The following RNF212 variants were observed in gnomAD, a reference collection of about 807,000 sequenced individuals.
The protein encoded by RNF212 is probable E3 SUMO-protein ligase RNF212.
Under a neutral mutation model 34.7 loss-of-function variants are expected in RNF212, and 33 were observed. That is an observed-to-expected ratio of 0.95 (90% confidence interval 0.72 to 1.27). The LOEUF (loss-of-function observed/expected upper bound fraction) is 1.27, where lower values mean the gene tolerates loss of function less well. Among genes scored for constraint, RNF212 ranks in the 50% most tolerant of loss-of-function variants. RNF212 has a pLI of 0.00. For missense variants in RNF212, 377 were observed against 362.2 expected, an observed-to-expected ratio of 1.04 and a Z score of -0.33; for synonymous variants, 140 against 136.1, an observed-to-expected ratio of 1.03 and a Z score of -0.20.
At chr4:1,060,971 C>G (rs957198395) in intron 3 of RNF212, among the ~76,000 whole-genome samples, 2 of 152,206 alleles carry the variant, frequency 1.3e-5, no homozygotes, top group African/African-American at 4.8e-5. Context: ...GTTATCTCTA[C>G]GAAGCCAAGT....
At chr4:1,070,219 T>C (rs1237310187), downstream of RNF212, among the ~76,000 whole-genome samples, 27 of 145,258 alleles carry the variant, frequency 1.9e-4, no homozygotes, top group Non-Finnish European at 3.9e-4. Flanking sequence ...TGTGTCAGCG[T>C]GGGTGCCTGG....
Position 1,072,731 on chromosome 4 carries a change from A to G in RNF212, c.*143T>C. The G allele has an allele frequency of 2.1e-6, 3 of 1,419,646 alleles. No homozygotes were observed. Among genetic ancestry groups the G allele is most frequent in the Non-Finnish European group, 2.8e-6 (3 of 1,089,790 alleles). 87.9% of individuals were successfully genotyped at this position (1,419,646 alleles called of 1,614,324 possible). On this transcript the variant is annotated 3_prime_UTR_variant, in exon 10 of 10. Transcript: ENST00000433731. Reference sequence around the variant, plus strand: ...TCAAAGGTCAAATATAAAATTACAAAGCAAATTGGGTAAAAGGTTAATATC... The same window carrying G: ...TCAAAGGTCAAATATAAAATTACAAGGCAAATTGGGTAAAAGGTTAATATC...
At chr4:1,112,380 G>A (rs1395818764) in intron 1 of RNF212, among the ~76,000 whole-genome samples, 2 of 152,114 alleles carry the variant, frequency 1.3e-5, no homozygotes, top group African/African-American at 4.8e-5. Flanking sequence ...GGAGGGCTGT[G>A]AGCCACCGGC....
intron 3 of RNF212, chr4:1,093,775 C>G: frequency 6.5e-7 from 1 of 1,536,288 alleles, no homozygotes; most frequent in South Asian, 1.2e-5. Context: ...GAATGAGGGT[C>G]CTGCTGGGAT....
chr4:1,112,745 T>C (rs1725907264), intron 1 of RNF212, among the ~76,000 whole-genome samples: 1 of 70,518 alleles, frequency 1.4e-5, no homozygotes, highest in African/African-American at 5.7e-5. Context: ...GGCCCCTTCC[T>C]GCCTGCGGAC....
At chr4:1,080,718 C>T (rs1720201061) in intron 7 of RNF212, among the ~76,000 whole-genome samples, 1 of 152,236 alleles carries the variant, frequency 6.6e-6, no homozygotes. Context: ...CTGCCTCTTG[C>T]TACCTGTGGA....
At chr4:1,065,113 A>G (rs1718007055) in intron 3 of RNF212, among the ~76,000 whole-genome samples, 1 of 152,220 alleles carries the variant, frequency 6.6e-6, no homozygotes, top group Non-Finnish European at 1.5e-5. Context: ...GTATACAAGC[A>G]TCTCTTAGAG....
chr4:1,089,041 T>C (rs688008), intron 4 of RNF212, among the ~76,000 whole-genome samples: 123,753 of 152,258 alleles, frequency 0.81, 51,039 homozygotes, highest in African/African-American at 0.95. Flanking sequence ...TCCCACACAG[T>C]GTCCCAACTG....
At chr4:1,062,980 T>A (rs1000689070) in intron 3 of RNF212, among the ~76,000 whole-genome samples, 1 of 152,184 alleles carries the variant, frequency 6.6e-6, no homozygotes, top group African/African-American at 2.4e-5. Flanking sequence ...ACAAAATACT[T>A]AGGAATAAAT....
At chr4:1,058,039 C>A (rs921990466) in intron 4 of RNF212, among the ~76,000 whole-genome samples, 1 of 143,322 alleles carries the variant, frequency 7.0e-6, no homozygotes, top group African/African-American at 2.7e-5. Flanking sequence ...CCAGCCTGGG[C>A]AACAAAGAGT....
intron 3 of RNF212, among the ~76,000 whole-genome samples, chr4:1,092,368 G>GT (rs1722322785): frequency 6.6e-6 from 1 of 152,222 alleles, no homozygotes; most frequent in South Asian, 2.1e-4. Context: ...TCTACTGAGG[G>GT]TGGAGCTGGG....
intron 2 of RNF212, among the ~76,000 whole-genome samples, chr4:1,102,500 T>C (rs979677585): frequency 1.3e-5 from 2 of 151,926 alleles, no homozygotes; most frequent in African/African-American, 4.8e-5. Context: ...GAGTCCACAG[T>C]ACTAATAAAA....
At chr4:1,103,784 G>C (rs1724395187) in intron 2 of RNF212, among the ~76,000 whole-genome samples, 1 of 152,204 alleles carries the variant, frequency 6.6e-6, no homozygotes, top group Non-Finnish European at 1.5e-5. Context: ...TATAATACTT[G>C]ATGAAATACT....
intron 8 of RNF212, among the ~76,000 whole-genome samples, chr4:1,075,396 C>G (rs1434124561): frequency 6.6e-6 from 1 of 152,174 alleles, no homozygotes; most frequent in Non-Finnish European, 1.5e-5. Flanking sequence ...TCTGGGGAGG[C>G]CTTGGGAGGC....
chr4:1,079,004 CCAACACAGGGT>C (rs1220361572), intron 8 of RNF212, among the ~76,000 whole-genome samples: 8 of 103,376 alleles, frequency 7.7e-5, no homozygotes, highest in East Asian at 4.0e-4. Flanking sequence ...CAACATAGGA[CCAACACAGGGT>C]CAACACAGGA....
In RNF212 at chr4:1,096,760, C is replaced by T. The variant is rs760315903; in HGVS notation, c.246+5G>A. On this transcript the variant is annotated splice_donor_5th_base_variant and intron_variant, in intron 3 of 9. Transcript: ENST00000433731. ...CGGAACCAAGCCACACCCCTCACAG[C>T]TCACCTGGGAGGTTTCCCTGGAGTA... is the stretch of plus-strand genomic sequence containing the variant. 2 of 1,609,304 alleles carry T rather than the reference C, an allele frequency of 1.2e-6. No homozygotes were observed. Among genetic ancestry groups the T allele is most frequent in the African/African-American group, 2.7e-5 (2 of 74,856 alleles).
chr4:1,096,984 C>T (rs530801684), intron 2 of RNF212, 145 bp from the exon 3 acceptor site: 39 of 683,534 alleles, frequency 5.7e-5, no homozygotes, highest in Admixed American at 3.5e-4. Flanking sequence ...AGGGGCCCTG[C>T]CAGGGACAGC....
chr4:1,058,847 A>G (rs1013619119), intron 3 of RNF212, among the ~76,000 whole-genome samples: 28 of 152,040 alleles, frequency 1.8e-4, no homozygotes, highest in African/African-American at 6.8e-4. Flanking sequence ...CCTGGCATAC[A>G]CAGGTACTCA....
Position 1,075,221 on chromosome 4 carries a change from T to C in RNF212, c.511-1559A>G, listed in dbSNP as rs1156955179. Among the ~76,000 whole-genome samples the C allele has an allele frequency of 3.9e-5, 6 of 152,254 alleles. No individual in the cohort carries two copies. In the East Asian group the frequency reaches 9.6e-4, roughly 24 times the overall value. On this transcript the variant is annotated intron_variant, in intron 8 of 9. Coordinates refer to ENST00000433731, the MANE Select transcript of RNF212 (RefSeq NM_001131034.4). Reference sequence around the variant, plus strand: ...ATCTGCATTTGGCTGCCTACACGCATGTTTGCTCTTTGGATTCTCCTTTAA... The same window carrying C: ...ATCTGCATTTGGCTGCCTACACGCACGTTTGCTCTTTGGATTCTCCTTTAA...
Sources: allele counts gnomAD v4.1 joint callset (sites outside exome capture counted in the v4.1 genomes callset), GRCh38; gene constraint gnomAD v4.1.1; transcripts MANE v1.5; gene names NCBI Gene and HGNC (gene_info 2026-07-23, HGNC 2026-07-21).